GOSR2: variants seen among roughly 807,000 people sequenced by gnomAD.
GOSR2 encodes golgi SNAP receptor complex member 2.
Under a neutral mutation model 27.9 loss-of-function variants are expected in GOSR2, and 20 were observed. That is an observed-to-expected ratio of 0.72 (90% CI 0.50 to 1.04). GOSR2 has a LOEUF of 1.04. Among genes scored for constraint, GOSR2 ranks in the 50% least tolerant of loss-of-function variants. The pLI, the probability that GOSR2 is intolerant of heterozygous loss-of-function variation, is 0.00. For missense variants in GOSR2, 261 were observed against 270.5 expected (o/e 0.97, Z 0.25); for synonymous variants, 91 against 98.8 (o/e 0.92, Z 0.47).
chr17:46,925,624 C>G (rs1337585705), intron 1 of GOSR2, among the ~76,000 whole-genome samples: 2 of 152,168 alleles, frequency 1.3e-5, no homozygotes, highest in African/African-American at 4.8e-5. Flanking sequence ...TCACAAGAAA[C>G]ACGTGGAGTC....
At chr17:46,970,292 G>A (rs979697966), downstream of GOSR2, among the ~76,000 whole-genome samples, 2 of 152,102 alleles carry the variant, frequency 1.3e-5, no homozygotes, top group Non-Finnish European at 2.9e-5. Context: ...TGTAATCCCA[G>A]CACTTTGGGA....
chr17:46,944,822 A>G (rs1022630958), downstream of GOSR2, among the ~76,000 whole-genome samples: 1 of 151,714 alleles, frequency 6.6e-6, no homozygotes, highest in African/African-American at 2.4e-5. Context: ...CTGGTCTCGA[A>G]CTCCTGACTT....
At chr17:46,945,918 G>A (rs1658770767), downstream of GOSR2, among the ~76,000 whole-genome samples, 3 of 152,192 alleles carry the variant, frequency 2.0e-5, no homozygotes, top group Admixed American at 2.0e-4. Flanking sequence ...TGTGCATGGA[G>A]TGGGTATAAA....
At chr17:46,932,462 T>C in intron 4 of GOSR2, 2 of 597,962 alleles carry the variant, frequency 3.3e-6, no homozygotes, top group South Asian at 4.1e-5. Context: ...GTTGGGCTGG[T>C]CTGAGACAGA....
chr17:46,935,654 T>C, intron 5 of GOSR2: 1 of 999,684 alleles, frequency 1.0e-6, no homozygotes, highest in Non-Finnish European at 1.2e-6. Context: ...TTGTTTGCAG[T>C]AGATTAGAGC....
rs1387648293 is a variant in GOSR2 at position 46,941,366 on chromosome 17, C to A, written c.*2606C>A. On this transcript the variant is annotated 3_prime_UTR_variant, in exon 6 of 6. Transcript: ENST00000640051. ...TTGAGGTTTATTTTATTTAGAAAATCACATTTTGTAAAAGAATTCGATATT... is the reference window on the plus strand; with the variant it reads ...TTGAGGTTTATTTTATTTAGAAAATAACATTTTGTAAAAGAATTCGATATT... 9.2e-6 allele frequency: 9 copies of A among 981,530 alleles called. No individual in the cohort carries two copies. The highest frequency in any genetic ancestry group is 1.1e-5 in the Non-Finnish European group (9 of 826,344). The allele number at this position is 981,530 out of a possible 1,614,324, so 60.8% of individuals were successfully genotyped here. A position where few individuals can be genotyped will look rare whatever the true frequency, so the allele number is the denominator to read the frequency against.
chr17:46,951,895 C>T (rs951439013), intron 6 of GOSR2, among the ~76,000 whole-genome samples: 5 of 152,268 alleles, frequency 3.3e-5, no homozygotes, highest in South Asian at 4.2e-4. Flanking sequence ...GCTTCTCCCC[C>T]CCAGACATCA....
At chr17:46,972,011 C>T (rs1238709178) in intron 6 of GOSR2, among the ~76,000 whole-genome samples, 1 of 152,168 alleles carries the variant, frequency 6.6e-6, no homozygotes, top group African/African-American at 2.4e-5. Context: ...GCACAGGGCA[C>T]GTGGGGGAGA....
At chr17:46,924,151 CCT>C (rs2086143620) in intron 1 of GOSR2, 1 of 310,354 alleles carries the variant, frequency 3.2e-6, no homozygotes, top group Non-Finnish European at 5.8e-6. Flanking sequence ...CACCTAGTAA[CCT>C]CTGTTTTACT....
At position 46,940,639 on chromosome 17, in the gene GOSR2, G is replaced by A. The variant is rs2089148754; in HGVS notation, c.*1879G>A. ...GCCATTTGTTCTTGAACTCTGGGAGGCAGAAGTCCCCGCACCCATCATGCG... is the reference window on the plus strand; with the variant it reads ...GCCATTTGTTCTTGAACTCTGGGAGACAGAAGTCCCCGCACCCATCATGCG... On this transcript the variant is annotated 3_prime_UTR_variant, in exon 6 of 6. Transcript: ENST00000640051. 2 of 1,613,900 alleles carry A rather than the reference G, an allele frequency of 1.2e-6. No homozygotes were observed. The highest frequency in any genetic ancestry group is 1.3e-5 in the African/African-American group (1 of 75,048).
intron 6 of GOSR2, among the ~76,000 whole-genome samples, chr17:46,949,986 C>T (rs981256489): frequency 2.6e-5 from 4 of 152,218 alleles, no homozygotes; most frequent in Non-Finnish European, 2.9e-5. Context: ...ACAGTAGGCA[C>T]TTCATAAATA....
chr17:46,931,855 A>G, intron 3 of GOSR2: 1 of 600,374 alleles, frequency 1.7e-6, no homozygotes, highest in East Asian at 2.8e-5. Context: ...AGCTGCTGGA[A>G]TCTTGTGTGC....
In GOSR2 at chr17:46,940,571, C is replaced by T; in HGVS notation, c.*1811C>T. ...GTCCCCCAGGCACCCAAGGATCCTG[C>T]CAGACAGCACACTTTGGAGGAAGGT... On this transcript the variant is annotated 3_prime_UTR_variant, in exon 6 of 6. Transcript: ENST00000640051. The T allele has an allele frequency of 6.2e-7, 1 of 1,614,156 alleles. No homozygotes were observed. Among genetic ancestry groups the T allele is most frequent in the Non-Finnish European group, 8.5e-7 (1 of 1,180,022 alleles).
downstream of GOSR2, among the ~76,000 whole-genome samples, chr17:46,945,465 G>A (rs994609647): frequency 1.3e-5 from 2 of 152,202 alleles, no homozygotes; most frequent in Non-Finnish European, 2.9e-5. Context: ...CAGACATGGC[G>A]TAGAATCCTG....
At chr17:46,938,155 G>A (rs2088722299) in intron 5 of GOSR2, 1 of 269,002 alleles carries the variant, frequency 3.7e-6, no homozygotes, top group South Asian at 4.0e-5. Context: ...GAGTCCCTGC[G>A]CCTGGCCTGT....
At chr17:46,968,273 C>T (rs1423366593), downstream of GOSR2, among the ~76,000 whole-genome samples, 1 of 152,186 alleles carries the variant, frequency 6.6e-6, no homozygotes, top group African/African-American at 2.4e-5. Context: ...CCAGCCTCTT[C>T]CTCTCCCTCC....
In GOSR2 at chr17:46,935,075, C is replaced by T. The variant is rs140105943; in HGVS notation, c.383C>T (p.Ser128Phe). 2.5e-6 allele frequency: 4 copies of T among 1,611,980 alleles called. No homozygotes were observed. The highest frequency in any genetic ancestry group is 1.1e-5 in the South Asian group (1 of 91,030). ...ATGGACGAATCACTGCAGTTTAACT[C>T]CTCCCTCCAGAAAGTTCACAACGGC... Reference protein sequence around the residue: ...IPMDESLQFNSSLQKVHNGMD... With the variant: ...IPMDESLQFNFSLQKVHNGMD... Residue 128 changes from serine (S) to phenylalanine (F), a missense_variant, in exon 5 of 6, where the codon TCC (serine) becomes TTC (phenylalanine). Transcript: ENST00000640051.
downstream of GOSR2, among the ~76,000 whole-genome samples, chr17:46,969,205 T>G (rs747806176): frequency 1.6e-4 from 24 of 152,338 alleles, no homozygotes; most frequent in Non-Finnish European, 3.1e-4. Context: ...TTCCAGAGCC[T>G]TCTTATGGTC....
At chr17:46,969,439 C>T (rs549511759), downstream of GOSR2, among the ~76,000 whole-genome samples, 3 of 152,328 alleles carry the variant, frequency 2.0e-5, no homozygotes, top group African/African-American at 7.2e-5. Context: ...TCCCACTGGG[C>T]TGTTTCCCCT....
Sources: gnomAD v4.1 joint callset for allele counts (sites outside exome capture counted in the v4.1 genomes callset) on GRCh38, gnomAD v4.1.1 for gene constraint, MANE v1.5 for transcripts, NCBI Gene and HGNC (gene_info 2026-07-23, HGNC 2026-07-21) for gene names.